Variants in LNX2 observed in about 807,000 individuals in gnomAD.
LNX2 encodes the protein ligand of numb-protein X 2.
Under a neutral mutation model 66.2 loss-of-function variants are expected in LNX2, and 35 were observed. That is an observed-to-expected ratio of 0.53 (90% CI 0.40 to 0.70). LNX2 has a LOEUF of 0.70. Among genes scored for constraint, LNX2 ranks in the 30% least tolerant of loss-of-function variants. The pLI, the probability that LNX2 is intolerant of heterozygous loss-of-function variation, is 0.00. For missense variants in LNX2, 791 were observed against 850.8 expected, an observed-to-expected ratio of 0.93 and a Z score of 0.87; for synonymous variants, 337 against 315.6, an observed-to-expected ratio of 1.07 and a Z score of -0.72.
Position 27,556,252 on chromosome 13 carries a change from A to G in LNX2, c.1530T>C (p.Asp510=). 6.2e-7 allele frequency: 1 copy of G among 1,613,910 alleles called. No homozygotes were observed. The highest frequency in any genetic ancestry group is 8.5e-7 in the Non-Finnish European group (1 of 1,179,922). The change falls in exon 7 of 10, where the codon GAT becomes GAC. Residue 510 remains aspartate, a synonymous_variant. Transcript: ENST00000316334. ...SVPPHGCLAR[D]GRIKRGDVLL... is the part of the protein sequence containing the mutation. ...CCATCTTACCTCTCTTTATTCTGCC[A>G]TCTCGTGCAAGGCAGCCATGGGGTG...
chr13:27,554,338 G>C (rs959033365), intron 7 of LNX2, among the ~76,000 whole-genome samples: 1 of 152,122 alleles, frequency 6.6e-6, no homozygotes, highest in East Asian at 1.9e-4. Context: ...TATATTCACA[G>C]TTGTGCAATC....
At chr13:27,606,042 G>A (rs1027457225) in intron 1 of LNX2, among the ~76,000 whole-genome samples, 13 of 152,072 alleles carry the variant, frequency 8.5e-5, no homozygotes, top group Non-Finnish European at 1.8e-4. Context: ...TATTCTAAGA[G>A]TGTCCACTAC....
At chr13:27,608,646 G>A (rs957743558) in intron 1 of LNX2, among the ~76,000 whole-genome samples, 1 of 152,084 alleles carries the variant, frequency 6.6e-6, no homozygotes, top group East Asian at 1.9e-4. Flanking sequence ...ATCCCCAAGA[G>A]TAACCAAACA....
chr13:27,568,075 T>C (rs967757348), intron 3 of LNX2, among the ~76,000 whole-genome samples: 2 of 152,114 alleles, frequency 1.3e-5, no homozygotes, highest in African/African-American at 4.8e-5. Context: ...ATCAGATCAC[T>C]AGGGACGACA....
chr13:27,554,139 T>C (rs1955033930), intron 7 of LNX2, among the ~76,000 whole-genome samples: 1 of 152,176 alleles, frequency 6.6e-6, no homozygotes, highest in African/African-American at 2.4e-5. Context: ...TTATCATCAG[T>C]TTTTCAGATT....
chr13:27,582,848 A>C (rs1955416605), intron 1 of LNX2, among the ~76,000 whole-genome samples: 1 of 151,924 alleles, frequency 6.6e-6, no homozygotes. Flanking sequence ...TAATGTAACA[A>C]ACCTGCACGT....
chr13:27,592,565 T>C (rs1955555691), intron 1 of LNX2, among the ~76,000 whole-genome samples: 1 of 152,058 alleles, frequency 6.6e-6, no homozygotes, highest in Non-Finnish European at 1.5e-5. Flanking sequence ...AGACAAGGAA[T>C]GGGAAGATGA....
At chr13:27,582,776 G>A (rs1052421865) in intron 1 of LNX2, among the ~76,000 whole-genome samples, 1 of 152,068 alleles carries the variant, frequency 6.6e-6, no homozygotes, top group Non-Finnish European at 1.5e-5. Context: ...AGCATTAGGA[G>A]TAACACCTAA....
At chr13:27,593,563 C>CTTTTTTTTT (rs35280780) in intron 1 of LNX2, among the ~76,000 whole-genome samples, 1 of 115,550 alleles carries the variant, frequency 8.7e-6, no homozygotes, top group Non-Finnish European at 1.8e-5. Context: ...CTGGCTGAAA[C>CTTTTTTTTT]TTTTTTTTTT....
At chr13:27,579,578 A>G (rs933107146) in intron 2 of LNX2, among the ~76,000 whole-genome samples, 1 of 152,246 alleles carries the variant, frequency 6.6e-6, no homozygotes, top group Non-Finnish European at 1.5e-5. Flanking sequence ...TTGATAAGAA[A>G]CACTAGTAAT....
At chr13:27,616,378 A>G (rs1179209784) in intron 1 of LNX2, among the ~76,000 whole-genome samples, 2 of 152,186 alleles carry the variant, frequency 1.3e-5, no homozygotes, top group Non-Finnish European at 2.9e-5. Flanking sequence ...GATAGGTGGT[A>G]GTAAAACGTT....
At chr13:27,585,586 A>T (rs1053756518) in intron 1 of LNX2, among the ~76,000 whole-genome samples, 13 of 152,278 alleles carry the variant, frequency 8.5e-5, no homozygotes, top group South Asian at 6.2e-4. Flanking sequence ...AACTTTTAAC[A>T]TGTCAGTGCA....
At chr13:27,616,189 G>GA (rs948137750) in intron 1 of LNX2, among the ~76,000 whole-genome samples, 6 of 143,656 alleles carry the variant, frequency 4.2e-5, no homozygotes, top group African/African-American at 1.7e-4. Flanking sequence ...TGGGGGGTTG[G>GA]GGGGGGTAGC....
At chr13:27,585,568 A>G (rs1360513295) in intron 1 of LNX2, among the ~76,000 whole-genome samples, 1 of 152,198 alleles carries the variant, frequency 6.6e-6, no homozygotes, top group Non-Finnish European at 1.5e-5. Context: ...TCTCCCTTTG[A>G]GCATCGTAAC....
intron 1 of LNX2, among the ~76,000 whole-genome samples, chr13:27,590,069 C>G (rs1436644508): frequency 6.6e-6 from 1 of 152,102 alleles, no homozygotes; most frequent in Non-Finnish European, 1.5e-5. Flanking sequence ...CCTGCCTCGG[C>G]CTCCCCAGTA....
chr13:27,587,985 C>G (rs1955508248), intron 1 of LNX2, among the ~76,000 whole-genome samples: 1 of 132,600 alleles, frequency 7.5e-6, no homozygotes, highest in African/African-American at 2.9e-5. Flanking sequence ...GGCGCCACTT[C>G]ACTCCAGTCT....
intron 1 of LNX2, among the ~76,000 whole-genome samples, chr13:27,590,187 T>C (rs1819050512): frequency 6.6e-6 from 1 of 152,132 alleles, no homozygotes; most frequent in Non-Finnish European, 1.5e-5. Flanking sequence ...CCAAAAGTGC[T>C]ATTTAGGAGA....
At chr13:27,619,487 T>G (rs544610653) in intron 1 of LNX2, among the ~76,000 whole-genome samples, 1 of 152,242 alleles carries the variant, frequency 6.6e-6, no homozygotes, top group Non-Finnish European at 1.5e-5. Context: ...CGCAAGAATG[T>G]GAAATTCTTA....
rs146776324 is a variant in LNX2, at chr13:27,573,311, T to G, written c.408-4035A>C. On this transcript the variant is annotated intron_variant, in intron 2 of 9. Coordinates refer to ENST00000316334, the MANE Select transcript of LNX2 (RefSeq NM_153371.4). ...GTCTATGGTTCCCCTCTTGTGTGCT[T>G]GTCTTTTTTCTTCTTTTTTTTCCCC... 7.9e-3 allele frequency among the ~76,000 whole-genome samples: 1,196 copies of G among 152,208 alleles called. 7 individuals carry two copies. Among genetic ancestry groups the G allele is most frequent in the South Asian group, 0.015 (72 of 4,818 alleles).
Sources: allele counts gnomAD v4.1 joint callset (sites outside exome capture counted in the v4.1 genomes callset), GRCh38; gene constraint gnomAD v4.1.1; transcripts MANE v1.5; gene names NCBI Gene and HGNC (gene_info 2026-07-23, HGNC 2026-07-21).